Variants in DYNC2H1 observed in about 807,000 individuals in gnomAD.
DYNC2H1 encodes the protein cytoplasmic dynein 2 heavy chain 1.
A neutral mutation model predicts 570.0 loss-of-function variants in DYNC2H1; 410 were observed. The observed-to-expected ratio is 0.72, with a 90% CI of 0.66 to 0.78. DYNC2H1 has a LOEUF of 0.78. Ranked by LOEUF, DYNC2H1 falls within the 30% of genes least tolerant of loss-of-function variation. The pLI, the probability that DYNC2H1 is intolerant of heterozygous loss-of-function variation, is 0.00. For missense variants in DYNC2H1, 4,865 were observed against 5,046.4 expected (o/e 0.96, Z 1.09); for synonymous variants, 1,688 against 1,677.6 (o/e 1.01, Z -0.15).
At chr11:103,198,167 T>C (rs1281761717) in intron 48 of DYNC2H1, 104 bp downstream of exon 48, 10 of 1,283,052 alleles carry the variant, frequency 7.8e-6, no homozygotes, top group East Asian at 2.5e-5. Flanking sequence ...GATTGTAGAA[T>C]AGGCAAAGCT....
intron 78 of DYNC2H1, among the ~76,000 whole-genome samples, chr11:103,310,215 C>T (rs11225681): frequency 0.17 from 26,222 of 151,514 alleles, 2,439 homozygotes; most frequent in Admixed American, 0.26. Flanking sequence ...TTCATTTCAC[C>T]GAATTTTCTT....
At chr11:103,310,899 A>C (rs1057502886) in intron 78 of DYNC2H1, among the ~76,000 whole-genome samples, 2 of 151,308 alleles carry the variant, frequency 1.3e-5, no homozygotes, top group African/African-American at 2.4e-5. Flanking sequence ...GGCGGGTTTC[A>C]CCATGTTGGC....
chr11:103,284,101 C>G (rs1434502049), intron 73 of DYNC2H1, among the ~76,000 whole-genome samples: 1 of 152,134 alleles, frequency 6.6e-6, no homozygotes, highest in Admixed American at 6.6e-5. Flanking sequence ...TCAGATTCCT[C>G]ATTCCCCACC....
intron 10 of DYNC2H1, among the ~76,000 whole-genome samples, chr11:103,122,452 C>T (rs535249780): frequency 1.1e-4 from 16 of 152,136 alleles, no homozygotes; most frequent in Admixed American, 7.9e-4. Context: ...TGCTTTTAAT[C>T]GGAGCATGTT....
chr11:103,223,110 C>T, intron 59 of DYNC2H1, 24 bp downstream of exon 59: 1 of 1,554,890 alleles, frequency 6.4e-7, no homozygotes, highest in Middle Eastern at 1.7e-4. Context: ...AAAATATAAA[C>T]AATTCTAACC....
chr11:103,125,309 T>C lies in DYNC2H1; in HGVS notation c.1857+14T>C. On this transcript the variant is annotated intron_variant, in intron 12 of 88. Transcript: ENST00000375735. ...ATTCTTAAACAAGTATGAAATTACA[T>C]TTTTTGAATACCTGCCTATTTGGAG... 6.4e-7 allele frequency: 1 copy of C among 1,569,196 alleles called. No homozygotes were observed. Among genetic ancestry groups the C allele is most frequent in the Non-Finnish European group, 8.7e-7 (1 of 1,154,276 alleles).
chr11:103,158,371 C>T (rs1277152879), intron 26 of DYNC2H1, among the ~76,000 whole-genome samples: 1 of 152,158 alleles, frequency 6.6e-6, no homozygotes, highest in Non-Finnish European at 1.5e-5. Flanking sequence ...ATGTCAGGAA[C>T]CCAGGAGGCG....
At chr11:103,462,167 C>G (rs1945036520) in intron 87 of DYNC2H1, among the ~76,000 whole-genome samples, 1 of 152,114 alleles carries the variant, frequency 6.6e-6, no homozygotes, top group Non-Finnish European at 1.5e-5. Context: ...ACCACTGTTA[C>G]AGGAGTGGGG....
chr11:103,129,204 G>A lies in DYNC2H1; in HGVS notation c.1953+199G>A, dbSNP rs1459385580. Among the ~76,000 whole-genome samples the A allele has an allele frequency of 6.6e-6, 1 of 152,036 alleles. No homozygotes were observed. Among genetic ancestry groups the A allele is most frequent in the Non-Finnish European group, 1.5e-5 (1 of 67,996 alleles). On this transcript the variant is annotated intron_variant, in intron 13 of 88. Transcript: ENST00000375735. This position sits in a 1 kb window ranked among gnomAD's most constrained non-coding sequence, Gnocchi z 4.1. The stretch of plus-strand genomic sequence containing the variant: ...GTGGTTAGAATATTTCATATATTTT[G>A]GTACTGATTTCGATCAATTGCATTG...
intron 58 of DYNC2H1, among the ~76,000 whole-genome samples, 166 bp from the exon 59 acceptor site, chr11:103,222,799 T>C (rs1374937897): frequency 6.6e-6 from 1 of 152,254 alleles, no homozygotes; most frequent in East Asian, 1.9e-4. Flanking sequence ...TGTATATTTC[T>C]TTTAATCAAA....
intron 82 of DYNC2H1, among the ~76,000 whole-genome samples, chr11:103,331,061 A>G (rs1938760457): frequency 6.6e-6 from 1 of 152,244 alleles, no homozygotes; most frequent in Non-Finnish European, 1.5e-5. Context: ...TTGCAGGGCA[A>G]AAATATGAAA....
chr11:103,233,477 T>C (rs908431999), intron 60 of DYNC2H1, among the ~76,000 whole-genome samples: 6 of 152,108 alleles, frequency 3.9e-5, no homozygotes, highest in African/African-American at 1.4e-4. Context: ...GGAGAGATTA[T>C]ATATAATGTA....
In DYNC2H1 at chr11:103,135,595, A is replaced by C. The variant is rs367862251; in HGVS notation, c.2306A>C (p.Asn769Thr). The change falls in exon 16 of 89, where the codon AAT becomes ACT. Residue 769 changes from asparagine (N) to threonine (T), a missense_variant. By Grantham distance (65) the Asn-to-Thr change is moderately conservative. Transcript: ENST00000375735. ...HQYQMGLEAL[N>T]ENLPEINIDL... ...TACCAGATGGGCTTAGAAGCACTTA[A>C]TGAGAATTTGCCAGAAATAAATATA... 10 of 1,613,260 alleles carry C rather than the reference A, an allele frequency of 6.2e-6. No homozygotes were observed. The African/African-American group carries it at 1.3e-4, about 22-fold the overall frequency.
At chr11:103,431,238 A>T (rs1275747624) in intron 84 of DYNC2H1, among the ~76,000 whole-genome samples, 1 of 151,492 alleles carries the variant, frequency 6.6e-6, no homozygotes. Context: ...AAAAAACTAA[A>T]AAACTTTAAG....
At chr11:103,149,808 T>TGAGA (rs137963830) in intron 20 of DYNC2H1, among the ~76,000 whole-genome samples, 1 of 148,574 alleles carries the variant, frequency 6.7e-6, no homozygotes, top group African/African-American at 2.5e-5. Flanking sequence ...AAAAGAGGAT[T>TGAGA]GAGAGAGAGA....
At chr11:103,401,964 T>C (rs993323295) in intron 84 of DYNC2H1, 3 of 152,080 alleles carry the variant, frequency 2.0e-5, no homozygotes, top group Non-Finnish European at 2.9e-5. Context: ...TAATAAAAAA[T>C]GTAAGAGGTA....
intron 68 of DYNC2H1, 25 bp from the exon 69 acceptor site, chr11:103,257,583 C>T (rs1051408441): frequency 3.1e-6 from 5 of 1,597,294 alleles, no homozygotes; most frequent in African/African-American, 1.3e-5. Flanking sequence ...TCCACCCTAT[C>T]CCCTACTGAT....
At chr11:103,257,533 T>C in intron 68 of DYNC2H1, 75 bp from the exon 69 acceptor site, 2 of 1,387,798 alleles carry the variant, frequency 1.4e-6, no homozygotes. Context: ...ATGTGCATTG[T>C]AGTCTTTAGG....
chr11:103,329,704 T>G (rs1322109991), intron 82 of DYNC2H1, among the ~76,000 whole-genome samples: 1 of 151,748 alleles, frequency 6.6e-6, no homozygotes, highest in Non-Finnish European at 1.5e-5. Flanking sequence ...TTTCTTTTTT[T>G]TGTTGTGGGG....
Sources: allele counts gnomAD v4.1 joint callset (sites outside exome capture counted in the v4.1 genomes callset), GRCh38; gene constraint gnomAD v4.1.1; non-coding constraint Gnocchi (gnomAD v3.1); transcripts MANE v1.5; gene names NCBI Gene and HGNC (gene_info 2026-07-23, HGNC 2026-07-21).